Variants in STPG2 observed in about 807,000 individuals in gnomAD.
The protein encoded by STPG2 is sperm-tail PG-rich repeat-containing protein 2.
STPG2 carries 56 observed loss-of-function variants against 54.2 expected under a neutral mutation model. The ratio of observed to expected loss-of-function variants is 1.03; its 90% CI spans 0.83 to 1.29. The LOEUF (loss-of-function observed/expected upper bound fraction) is 1.29. Ranked by LOEUF, STPG2 falls within the 50% of genes most tolerant of loss-of-function variation. The pLI is 0.00. For synonymous variants in STPG2, 200 were observed against 181.8 expected (o/e 1.10, Z -0.81); for missense variants, 596 against 544.9 (o/e 1.09, Z -0.93).
intron 9 of STPG2, among the ~76,000 whole-genome samples, chr4:97,792,944 G>C (rs1727048245): frequency 6.6e-6 from 1 of 152,040 alleles, no homozygotes; most frequent in Non-Finnish European, 1.5e-5. Context: ...ATGAGGTCAG[G>C]AGTTCGAGAC....
intron 10 of STPG2, among the ~76,000 whole-genome samples, chr4:97,642,885 C>G (rs1721803518): frequency 6.6e-6 from 1 of 151,120 alleles, no homozygotes; most frequent in Non-Finnish European, 1.5e-5. Flanking sequence ...GAAAATTAAG[C>G]CTTAGAGAAC....
intron 6 of STPG2, among the ~76,000 whole-genome samples, chr4:97,975,804 G>A (rs1734479559): frequency 6.6e-6 from 1 of 152,110 alleles, no homozygotes; most frequent in Non-Finnish European, 1.5e-5. Flanking sequence ...TTAGATCAGT[G>A]TTTGTCCAAG....
chr4:97,920,578 A>G (rs1242387552), intron 8 of STPG2, among the ~76,000 whole-genome samples: 5 of 152,004 alleles, frequency 3.3e-5, no homozygotes, highest in Non-Finnish European at 7.4e-5. Context: ...TTAAGAGTTA[A>G]TGAAAATGTA....
At chr4:97,910,581 C>T (rs1345353844) in intron 8 of STPG2, among the ~76,000 whole-genome samples, 1 of 151,936 alleles carries the variant, frequency 6.6e-6, no homozygotes, top group African/African-American at 2.4e-5. Flanking sequence ...TGCTTTAAAC[C>T]CAAATAATCT....
At chr4:97,537,962 A>C (rs1731579410) in intron 4 of STPG2, among the ~76,000 whole-genome samples, 1 of 152,226 alleles carries the variant, frequency 6.6e-6, no homozygotes, top group Non-Finnish European at 1.5e-5. Flanking sequence ...AGCAAACTCC[A>C]ACAGACCTGC....
At chr4:97,745,549 A>C (rs1444930424) in intron 9 of STPG2, among the ~76,000 whole-genome samples, 1 of 151,180 alleles carries the variant, frequency 6.6e-6, no homozygotes, top group Non-Finnish European at 1.5e-5. Context: ...TATTCCATTA[A>C]GATAAACATT....
At chr4:97,815,099 T>C (rs2149099871) in intron 9 of STPG2, among the ~76,000 whole-genome samples, 1 of 152,120 alleles carries the variant, frequency 6.6e-6, no homozygotes, top group Non-Finnish European at 1.5e-5. Flanking sequence ...TATCACCAGG[T>C]AAAGAACCAT....
intron 9 of STPG2, among the ~76,000 whole-genome samples, chr4:97,744,037 T>A (rs1175820856): frequency 2.6e-5 from 4 of 151,414 alleles, no homozygotes; most frequent in African/African-American, 9.7e-5. Context: ...AATACATAGG[T>A]CGAAGCCTTT....
At chr4:97,901,751 T>C (rs1460041499) in intron 8 of STPG2, among the ~76,000 whole-genome samples, 3 of 151,846 alleles carry the variant, frequency 2.0e-5, no homozygotes, top group Non-Finnish European at 4.4e-5. Context: ...GAAAGTAATA[T>C]ACAGATTCAA....
chr4:97,600,272 AAG>A (rs980016857), intron 10 of STPG2, among the ~76,000 whole-genome samples: 9 of 152,200 alleles, frequency 5.9e-5, no homozygotes, highest in African/African-American at 1.9e-4. Flanking sequence ...CACATGTAAA[AAG>A]AATTTAATTC....
chr4:97,558,925 C>T lies in STPG2; in HGVS notation c.*133G>A. The stretch of plus-strand genomic sequence containing the variant: ...TGGTTGTGTCATATAGTCACTAAAG[C>T]CTGAGCGAATGCCTGAACAAGTGAA... On this transcript the variant is annotated 3_prime_UTR_variant, in exon 11 of 11. Transcript: ENST00000295268. The T allele has an allele frequency of 2.7e-6, 2 of 728,916 alleles. No individual in the cohort carries two copies. Among genetic ancestry groups the T allele is most frequent in the Non-Finnish European group, 4.7e-6 (2 of 423,758 alleles). The allele number at this position is 728,916 out of a possible 1,614,324, so 45.2% of individuals were successfully genotyped here. A position where few individuals can be genotyped will look rare whatever the true frequency, so the allele number is the denominator to read the frequency against.
intron 4 of STPG2, among the ~76,000 whole-genome samples, chr4:97,541,684 CA>C (rs1731710024): frequency 1.3e-5 from 2 of 152,112 alleles, no homozygotes; most frequent in Non-Finnish European, 2.9e-5. Context: ...GCCAAAAGAA[CA>C]AAGCTGGAGG....
chr4:97,764,155 G>GAC (rs144290643), intron 9 of STPG2, among the ~76,000 whole-genome samples: 42 of 148,498 alleles, frequency 2.8e-4, no homozygotes, highest in East Asian at 4.0e-4. Flanking sequence ...GGCACAGACA[G>GAC]ACACACACAC....
intron 6 of STPG2, among the ~76,000 whole-genome samples, chr4:97,974,287 A>G (rs1734432880): frequency 6.6e-6 from 1 of 152,178 alleles, no homozygotes; most frequent in Non-Finnish European, 1.5e-5. Flanking sequence ...CCCCCATTGT[A>G]TCTAGGAAGT....
At chr4:97,737,259 G>GA (rs1410308384) in intron 9 of STPG2, among the ~76,000 whole-genome samples, 3 of 152,108 alleles carry the variant, frequency 2.0e-5, no homozygotes, top group African/African-American at 4.8e-5. Flanking sequence ...CAAAGATGTG[G>GA]AAAAAACAGA....
At chr4:97,971,180 T>C (rs1440003182) in intron 7 of STPG2, among the ~76,000 whole-genome samples, 2 of 152,104 alleles carry the variant, frequency 1.3e-5, no homozygotes, top group African/African-American at 2.4e-5. Context: ...CGTGGAGAAA[T>C]AGGAATGCTT....
intron 4 of STPG2, among the ~76,000 whole-genome samples, chr4:97,457,482 T>A (rs1051122166): frequency 6.6e-6 from 1 of 152,218 alleles, no homozygotes; most frequent in Non-Finnish European, 1.5e-5. Context: ...CATTCCCCTT[T>A]AGCCAAGCAA....
chr4:97,735,408 G>A (rs1314391078), intron 9 of STPG2, among the ~76,000 whole-genome samples: 1 of 151,294 alleles, frequency 6.6e-6, no homozygotes, highest in Non-Finnish European at 1.5e-5. Flanking sequence ...GAAGGGAGAG[G>A]TTGGGAGGGA....
At chr4:97,850,668 T>C (rs1234453970) in intron 8 of STPG2, among the ~76,000 whole-genome samples, 1 of 152,118 alleles carries the variant, frequency 6.6e-6, no homozygotes, top group East Asian at 1.9e-4. Context: ...AACCAAAAAT[T>C]GTTTAACAAC....
Sources: gnomAD v4.1 joint callset for allele counts (sites outside exome capture counted in the v4.1 genomes callset) on GRCh38, gnomAD v4.1.1 for gene constraint, MANE v1.5 for transcripts, NCBI Gene and HGNC (gene_info 2026-07-23, HGNC 2026-07-21) for gene names.